LCORL: variants seen among roughly 807,000 people sequenced by gnomAD.
LCORL encodes the protein ligand dependent nuclear receptor corepressor like, also known as ligand-dependent nuclear receptor corepressor-like protein.
LCORL carries 41 observed loss-of-function variants against 141.8 expected under a neutral mutation model. The ratio of observed to expected loss-of-function variants is 0.29; its 90% CI spans 0.23 to 0.38. LCORL has a LOEUF of 0.38. Ranked by LOEUF, LCORL falls within the 10% of genes least tolerant of loss-of-function variation. The pLI, the probability that LCORL is intolerant of heterozygous loss-of-function variation, is 1.00. For missense variants in LCORL, 1,759 were observed against 2,035.0 expected (o/e 0.86, Z 2.61); for synonymous variants, 618 against 694.1 (o/e 0.89, Z 1.72).
At chr4:17,858,942 A>AAT (rs1251828573) in intron 7 of LCORL, among the ~76,000 whole-genome samples, 4 of 152,186 alleles carry the variant, frequency 2.6e-5, no homozygotes, top group Non-Finnish European at 5.9e-5. Context: ...CAGAGGAGCA[A>AAT]ATATAAGAAT....
intron 5 of LCORL, among the ~76,000 whole-genome samples, chr4:17,895,548 C>T (rs1577352573): frequency 6.6e-6 from 1 of 152,122 alleles, no homozygotes; most frequent in South Asian, 2.1e-4. Context: ...CTAAAAAAAA[C>T]CATTCATCTG....
At chr4:17,863,915 A>T (rs73098803) in intron 7 of LCORL, among the ~76,000 whole-genome samples, 3,243 of 152,308 alleles carry the variant, frequency 0.021, 107 homozygotes, top group African/African-American at 0.069. Context: ...AACATTTATA[A>T]GCATTCTCAC....
chr4:17,849,767 T>C (rs200155536), intron 7 of LCORL, among the ~76,000 whole-genome samples: 1 of 152,130 alleles, frequency 6.6e-6, no homozygotes. Context: ...CTTCACAGAA[T>C]TGGAAAAAAC....
At chr4:17,906,259 C>A (rs1731595589) in intron 5 of LCORL, among the ~76,000 whole-genome samples, 1 of 152,128 alleles carries the variant, frequency 6.6e-6, no homozygotes, top group South Asian at 2.1e-4. Context: ...CATACCATGG[C>A]AGAATGCTTT....
chr4:17,848,677 C>T (rs576889065), intron 7 of LCORL, among the ~76,000 whole-genome samples: 21 of 152,324 alleles, frequency 1.4e-4, no homozygotes, highest in South Asian at 4.1e-4. Context: ...AGACAGTGGG[C>T]GCAGGACAGC....
intron 1 of LCORL, among the ~76,000 whole-genome samples, chr4:18,004,841 T>C (rs905019013): frequency 3.3e-5 from 5 of 151,760 alleles, no homozygotes; most frequent in Admixed American, 6.6e-5. Flanking sequence ...ATTGGGTAAA[T>C]AGAGCCATCC....
At chr4:17,956,057 G>A (rs1327849396) in intron 4 of LCORL, among the ~76,000 whole-genome samples, 1 of 152,090 alleles carries the variant, frequency 6.6e-6, no homozygotes, top group East Asian at 1.9e-4. Context: ...TGAAAAAAAT[G>A]TTCAACATCA....
At chr4:17,879,417 C>G (rs897619303) in intron 6 of LCORL, among the ~76,000 whole-genome samples, 2 of 150,948 alleles carry the variant, frequency 1.3e-5, no homozygotes, top group African/African-American at 2.4e-5. Context: ...CAATGTTCCA[C>G]TAAAACTAGT....
chr4:17,921,170 C>G (rs1734241006), intron 4 of LCORL, among the ~76,000 whole-genome samples: 1 of 151,684 alleles, frequency 6.6e-6, no homozygotes, highest in Non-Finnish European at 1.5e-5. Flanking sequence ...ACTACAGGCA[C>G]ACACCACCAC....
chr4:17,929,278 T>C (rs1285075260), intron 4 of LCORL, among the ~76,000 whole-genome samples: 1 of 152,180 alleles, frequency 6.6e-6, no homozygotes, highest in Non-Finnish European at 1.5e-5. Flanking sequence ...ACTGGCAAGC[T>C]GATCCTAAAA....
chr4:17,873,254 AGG>A, intron 7 of LCORL, 132 bp downstream of exon 7: 1 of 493,586 alleles, frequency 2.0e-6, no homozygotes, highest in Non-Finnish European at 3.2e-6. Context: ...GTTTCATACT[AGG>A]TGCCAAGAAA....
At chr4:17,904,594 G>A (rs944269794) in intron 5 of LCORL, among the ~76,000 whole-genome samples, 3 of 151,884 alleles carry the variant, frequency 2.0e-5, no homozygotes, top group Non-Finnish European at 4.4e-5. Flanking sequence ...GTAGGGATCC[G>A]CCCCTTATCC....
chr4:17,921,127 G>A (rs1734230780), intron 4 of LCORL, among the ~76,000 whole-genome samples: 1 of 152,002 alleles, frequency 6.6e-6, no homozygotes, highest in Non-Finnish European at 1.5e-5. Flanking sequence ...GGGTTCAAAC[G>A]ATTCCCCTGC....
chr4:18,018,218 T>C (rs1482766733), intron 1 of LCORL, among the ~76,000 whole-genome samples: 1 of 152,168 alleles, frequency 6.6e-6, no homozygotes, highest in Non-Finnish European at 1.5e-5. Flanking sequence ...CAAATGCTAA[T>C]TATATTATAC....
intron 4 of LCORL, among the ~76,000 whole-genome samples, chr4:17,930,336 C>G (rs946909131): frequency 6.6e-6 from 1 of 152,196 alleles, no homozygotes; most frequent in Non-Finnish European, 1.5e-5. Context: ...GACTCCGTTT[C>G]CACACACAAA....
intron 7 of LCORL, among the ~76,000 whole-genome samples, chr4:17,858,537 G>A (rs1322761017): frequency 1.3e-5 from 2 of 150,870 alleles, no homozygotes; most frequent in Admixed American, 6.6e-5. Context: ...CCAGCCTAAC[G>A]TGGAGAAACC....
rs920069239 is a variant in LCORL, at chr4:17,886,298, G to A, written c.683-137C>T. On this transcript the variant is annotated intron_variant, in intron 5 of 7. Transcript: ENST00000635767. ...GGCCATTACCTATTCATCTTAAACG[G>A]GTTTAGGAACAGGATATGACTGGGA... 20 of 586,974 alleles carry A rather than the reference G, an allele frequency of 3.4e-5. No homozygotes were observed. In the Admixed American group the frequency reaches 5.8e-4, roughly 17 times the overall value. 36.4% of individuals were successfully genotyped at this position (586,974 alleles called of 1,614,324 possible). A position where few individuals can be genotyped will look rare whatever the true frequency, so the allele number is the denominator to read the frequency against.
chr4:17,880,365 G>A (rs1727399386), intron 6 of LCORL: 5 of 722,532 alleles, frequency 6.9e-6, no homozygotes, highest in Non-Finnish European at 8.5e-6. Context: ...TTTATTCTCA[G>A]GTGATTATAT....
intron 5 of LCORL, among the ~76,000 whole-genome samples, chr4:17,902,434 T>G (rs946588536): frequency 1.3e-5 from 2 of 152,126 alleles, no homozygotes; most frequent in Non-Finnish European, 2.9e-5. Context: ...TTCCACATGT[T>G]TTTAGCCACA....
Sources: gnomAD v4.1 joint callset for allele counts (sites outside exome capture counted in the v4.1 genomes callset) on GRCh38, gnomAD v4.1.1 for gene constraint, MANE v1.5 for transcripts, NCBI Gene and HGNC (gene_info 2026-07-23, HGNC 2026-07-21) for gene names.